The following DLG2 variants were observed in gnomAD, a reference collection of about 807,000 sequenced individuals.
The protein encoded by DLG2 is discs large MAGUK scaffold protein 2, also known as disks large homolog 2.
In DLG2, 45 loss-of-function variants were observed where a neutral mutation model predicts 132.5. The observed-to-expected ratio is 0.34, with a 90% CI of 0.27 to 0.44. The LOEUF (loss-of-function observed/expected upper bound fraction) is 0.44, where lower values mean the gene tolerates loss of function less well. Ranked by LOEUF, DLG2 falls within the 20% of genes least tolerant of loss-of-function variation. The pLI is 1.00. For synonymous variants in DLG2, 424 were observed against 419.6 expected, an observed-to-expected ratio of 1.01 and a Z score of -0.13; for missense variants, 1,045 against 1,196.9, an observed-to-expected ratio of 0.87 and a Z score of 1.87.
At chr11:84,787,293 C>T (rs761608390) in intron 6 of DLG2, among the ~76,000 whole-genome samples, 2 of 152,110 alleles carry the variant, frequency 1.3e-5, no homozygotes, top group East Asian at 1.9e-4. Flanking sequence ...TCTGACCTGG[C>T]GTGCTCCAGA....
chr11:83,941,896 T>G (rs2082743400), intron 14 of DLG2, among the ~76,000 whole-genome samples: 1 of 152,204 alleles, frequency 6.6e-6, no homozygotes, highest in Non-Finnish European at 1.5e-5. Context: ...ACATTGGATA[T>G]TAGACGTTTT....
At chr11:85,510,187 G>A (rs1354429196) in intron 3 of DLG2, 1 of 151,988 alleles carries the variant, frequency 6.6e-6, no homozygotes, top group Non-Finnish European at 1.5e-5. Context: ...AGGCCAGTCT[G>A]GCTAGAAGTG....
chr11:85,558,515 A>G (rs2077051956), intron 3 of DLG2, among the ~76,000 whole-genome samples: 1 of 151,896 alleles, frequency 6.6e-6, no homozygotes, highest in African/African-American at 2.4e-5. Context: ...GAGATATTTA[A>G]AATAGCAAAG....
intron 7 of DLG2, among the ~76,000 whole-genome samples, chr11:84,431,448 T>C (rs574635760): frequency 5.3e-5 from 8 of 152,288 alleles, no homozygotes; most frequent in African/African-American, 1.9e-4. Context: ...TATAAATATA[T>C]AGTGGGAGTC....
intron 3 of DLG2, among the ~76,000 whole-genome samples, chr11:85,544,295 T>C (rs1354867384): frequency 6.6e-6 from 1 of 152,166 alleles, no homozygotes; most frequent in Non-Finnish European, 1.5e-5. Flanking sequence ...AAAAATCAAA[T>C]GGTGGTAGAT....
intron 19 of DLG2, among the ~76,000 whole-genome samples, chr11:83,573,634 A>G (rs1292008550): frequency 6.6e-6 from 1 of 152,206 alleles, no homozygotes; most frequent in African/African-American, 2.4e-5. Flanking sequence ...GTAACATTTT[A>G]TTGAGAAGAG....
At chr11:85,191,775 C>A (rs985036335) in intron 4 of DLG2, among the ~76,000 whole-genome samples, 1 of 152,114 alleles carries the variant, frequency 6.6e-6, no homozygotes, top group African/African-American at 2.4e-5. Flanking sequence ...GATGGGCAGG[C>A]AGACATTCCA....
At chr11:84,129,863 A>G (rs1030534368) in intron 9 of DLG2, among the ~76,000 whole-genome samples, 3 of 152,038 alleles carry the variant, frequency 2.0e-5, no homozygotes, top group South Asian at 2.1e-4. Context: ...TCAATAAAGG[A>G]CTAAATTTCT....
chr11:85,239,987 T>C (rs1369592008), intron 4 of DLG2, among the ~76,000 whole-genome samples: 1 of 151,934 alleles, frequency 6.6e-6, no homozygotes, highest in African/African-American at 2.4e-5. Context: ...AACTAACTTG[T>C]TAACTTGTTA....
At chr11:83,685,905 C>A (rs1010131725) in intron 18 of DLG2, among the ~76,000 whole-genome samples, 3 of 152,096 alleles carry the variant, frequency 2.0e-5, no homozygotes, top group Non-Finnish European at 4.4e-5. Flanking sequence ...GTTGCTCTGG[C>A]CAAAAACCTG....
chr11:84,439,506 G>A (rs954526263), intron 7 of DLG2, among the ~76,000 whole-genome samples: 1 of 152,090 alleles, frequency 6.6e-6, no homozygotes, highest in Non-Finnish European at 1.5e-5. Flanking sequence ...TTTGCTCTAT[G>A]CTCCTACAAG....
intron 6 of DLG2, among the ~76,000 whole-genome samples, chr11:84,894,948 C>T (rs187507531): frequency 2.6e-5 from 4 of 152,238 alleles, no homozygotes; most frequent in East Asian, 1.9e-4. Context: ...GGGGGCTCCA[C>T]GGGGCAATGT....
At chr11:83,655,047 C>A (rs566372469) in intron 18 of DLG2, among the ~76,000 whole-genome samples, 2 of 152,308 alleles carry the variant, frequency 1.3e-5, no homozygotes, top group South Asian at 4.1e-4. Context: ...GAAGTAGACG[C>A]TTAATAAATG....
chr11:85,555,095 ACT>A (rs1404501654), intron 3 of DLG2, among the ~76,000 whole-genome samples: 5 of 151,492 alleles, frequency 3.3e-5, no homozygotes, highest in Admixed American at 6.6e-5. Context: ...TGATAATTAA[ACT>A]CTACTGCAAT....
Position 84,359,983 on chromosome 11 carries a change from C to T in DLG2, c.520-108692G>A, listed in dbSNP as rs79761250. Among the ~76,000 whole-genome samples the T allele has an allele frequency of 3.1e-3, 464 of 151,922 alleles. 3 individuals carry two copies. The highest frequency in any genetic ancestry group is 0.011 in the African/African-American group (447 of 41,488). ...AAAAAAATAGCTTCTAAAACTCTTACACAAAGAAAATGCAATTGGTAGCTT... is the reference window on the plus strand; with the variant it reads ...AAAAAAATAGCTTCTAAAACTCTTATACAAAGAAAATGCAATTGGTAGCTT... On this transcript the variant is annotated intron_variant, in intron 7 of 27. Transcript: ENST00000376104.
At position 85,201,419 on chromosome 11, in the gene DLG2, C is replaced by G. The variant is rs530704558; in HGVS notation, c.187-46768G>C. ...AGACCACCAAGACAGTCTTCTATAC[C>G]TAGGTCCCTGGCCAGCTTTCCCACA... On this transcript the variant is annotated intron_variant, in intron 4 of 27. Coordinates refer to ENST00000376104, the MANE Select transcript of DLG2 (RefSeq NM_001142699.3). 1.1e-4 allele frequency among the ~76,000 whole-genome samples: 17 copies of G among 152,176 alleles called. No individual in the cohort carries two copies. The South Asian group carries it at 3.5e-3, about 32-fold the overall frequency.
intron 7 of DLG2, among the ~76,000 whole-genome samples, chr11:84,532,684 A>G (rs2099345690): frequency 6.6e-6 from 1 of 152,088 alleles, no homozygotes; most frequent in South Asian, 2.1e-4. Flanking sequence ...TTTTGCAGAG[A>G]CAAGGTCTTG....
rs186233668 is a variant in DLG2, at chr11:85,424,406, A to C, written c.41-139041T>G. The stretch of plus-strand genomic sequence containing the variant: ...ATATGCTGCTCTGTCCATCCAAGTC[A>C]GAGCTGCAATCTAGTCCTACCTCCC... On this transcript the variant is annotated intron_variant, in intron 3 of 27. Transcript: ENST00000376104. Among the ~76,000 whole-genome samples, 5 of 152,292 alleles carry C rather than the reference A, an allele frequency of 3.3e-5. No individual in the cohort carries two copies. In the East Asian group the frequency reaches 9.7e-4, roughly 29 times the overall value.
At chr11:85,209,724 G>A (rs1412255081) in intron 4 of DLG2, among the ~76,000 whole-genome samples, 4 of 151,188 alleles carry the variant, frequency 2.6e-5, no homozygotes, top group Non-Finnish European at 5.9e-5. Context: ...ATAGGCATGA[G>A]CCACCATAAC....
Sources: allele counts gnomAD v4.1 joint callset (sites outside exome capture counted in the v4.1 genomes callset), GRCh38; gene constraint gnomAD v4.1.1; transcripts MANE v1.5; gene names NCBI Gene and HGNC (gene_info 2026-07-23, HGNC 2026-07-21).